The following ZFAND2B variants were observed in gnomAD, a reference collection of about 807,000 sequenced individuals.
ZFAND2B encodes the protein zinc finger AN1-type containing 2B.
In ZFAND2B, 27 loss-of-function variants were observed where a neutral mutation model predicts 38.2. The observed-to-expected ratio is 0.71, with a 90% CI of 0.52 to 0.97. The LOEUF is 0.97. Ranked by LOEUF, ZFAND2B falls within the 50% of genes least tolerant of loss-of-function variation. The probability of loss-of-function intolerance (pLI) is 0.00; values close to 1 mark genes in which losing one functional copy is unlikely to be tolerated. For synonymous variants in ZFAND2B, 111 were observed against 119.4 expected, an observed-to-expected ratio of 0.93 and a Z score of 0.46; for missense variants, 303 against 331.5, an observed-to-expected ratio of 0.91 and a Z score of 0.67.
Position 219,209,010 on chromosome 2 carries a change from AGCACTGTCAGCCAGTGAG to A in ZFAND2B, c.694_711del (p.Leu232_Ala237del). The A allele has an allele frequency of 6.2e-7, 1 of 1,614,224 alleles. No homozygotes were observed. The highest frequency in any genetic ancestry group is 8.5e-7 in the Non-Finnish European group (1 of 1,180,044). On this transcript the variant is annotated inframe_deletion, in exon 8 of 9. Coordinates refer to ENST00000289528, the MANE Select transcript of ZFAND2B (RefSeq NM_138802.3). ...AGGAAGAAGACCTAGCTTTAGCACA[AGCACTGTCAGCCAGTGAG>A]GCAGAATACCAGCGGCAGCAGGTAT...
chr2:219,206,967 C>T lies in ZFAND2B; in HGVS notation c.-21C>T. On this transcript the variant is annotated 5_prime_UTR_variant, in exon 1 of 9. Coordinates refer to ENST00000289528, the MANE Select transcript of ZFAND2B (RefSeq NM_138802.3). ...GCTCAGCACTCGTCGCTTCTCCTAG[C>T]AGACCCTGCCCGGCTTGGCGATGGA... 1 of 1,612,128 alleles carries T rather than the reference C, an allele frequency of 6.2e-7. No individual in the cohort carries two copies. The highest frequency in any genetic ancestry group is 8.5e-7 in the Non-Finnish European group (1 of 1,179,312).
chr2:219,207,360 G>A lies in ZFAND2B; in HGVS notation c.89G>A (p.Gly30Asp), dbSNP rs1950501829. ...FLPLKCDACS[G>D]IFCADHVAYA... is the part of the protein sequence containing the mutation. ...CCGCTTAAGTGTGATGCCTGCTCAG[G>A]CATCTTCTGCGCAGACCATGTGGCC... Residue 30 changes from glycine to aspartate, a missense_variant, in exon 2 of 9, where the codon GGC (glycine) becomes GAC (aspartate). Coordinates refer to ENST00000289528, the MANE Select transcript of ZFAND2B (RefSeq NM_138802.3). 6.2e-7 allele frequency: 1 copy of A among 1,613,730 alleles called. No homozygotes were observed. The highest frequency in any genetic ancestry group is 1.3e-5 in the African/African-American group (1 of 74,930).
chr2:219,208,685 C>G (rs751416647), intron 7 of ZFAND2B, 46 bp downstream of exon 7: 1 of 1,609,866 alleles, frequency 6.2e-7, no homozygotes, highest in Admixed American at 1.7e-5. Flanking sequence ...TGGGCAAGGG[C>G]TTGGTCTGGA....
chr2:219,206,941 C>A lies in ZFAND2B; in HGVS notation c.-47C>A. On this transcript the variant is annotated 5_prime_UTR_variant, in exon 1 of 9. Transcript: ENST00000289528. ...GGACTTCGAGCACGAGCCCTAAAGA[C>A]GCTCAGCACTCGTCGCTTCTCCTAG... 6.2e-7 allele frequency: 1 copy of A among 1,603,052 alleles called. No homozygotes were observed. Among genetic ancestry groups the A allele is most frequent in the Non-Finnish European group, 8.5e-7 (1 of 1,173,226 alleles).
rs967639703 is a variant in ZFAND2B at position 219,208,630 on chromosome 2, A to G, written c.647A>G (p.Gln216Arg). Residue 216 changes from glutamine to arginine, a missense_variant, in exon 7 of 9, where the codon CAG (glutamine) becomes CGG (arginine). By Grantham distance (43) the Gln-to-Arg change is conservative. Coordinates refer to ENST00000289528, the MANE Select transcript of ZFAND2B (RefSeq NM_138802.3). The part of the protein sequence containing the change: ...LEMSLAETKP[Q>R]VPSCQEEEDL... ...ATGTCCCTGGCAGAAACCAAACCCC[A>G]GGTTCCAAGGTACCTTACCCTCTTG... 6 of 1,613,848 alleles carry G rather than the reference A, an allele frequency of 3.7e-6. No homozygotes were observed. Among genetic ancestry groups the G allele is most frequent in the Non-Finnish European group, 4.2e-6 (5 of 1,179,912 alleles).
At position 219,209,395 on chromosome 2, in the gene ZFAND2B, C is replaced by G; in HGVS notation, c.*89C>G. 1.3e-6 allele frequency: 2 copies of G among 1,494,096 alleles called. No homozygotes were observed. Among genetic ancestry groups the G allele is most frequent in the Non-Finnish European group, 1.8e-6 (2 of 1,088,820 alleles). The allele number at this position is 1,494,096 out of a possible 1,614,324, so 92.6% of individuals were successfully genotyped here. A position where few individuals can be genotyped will look rare whatever the true frequency, so the allele number is the denominator to read the frequency against. On this transcript the variant is annotated 3_prime_UTR_variant, in exon 9 of 9. Transcript: ENST00000289528. Reference sequence around the variant, plus strand: ...CACAGGGAGAGGAGGCCCGGAGCACCCTGGAGGGCAGAGACAAGCGGGAGT... The same window carrying G: ...CACAGGGAGAGGAGGCCCGGAGCACGCTGGAGGGCAGAGACAAGCGGGAGT...
rs762605833 is a variant in ZFAND2B, at chr2:219,208,037, G to C, written c.433G>C (p.Gly145Arg). 15 of 1,613,806 alleles carry C rather than the reference G, an allele frequency of 9.3e-6. No homozygotes were observed. Among genetic ancestry groups the C allele is most frequent in the Non-Finnish European group, 1.3e-5 (15 of 1,180,038 alleles). ...SGEGHPTSRA[G>R]LAAISRAQAV... ...GGAGGGGCACCCAACCAGCCGGGCA[G>C]GGTAATGGCAGCCAAGTCCTCCACT... The change falls in exon 4 of 9, where the codon GGA (glycine) becomes CGA (arginine). Residue 145 changes from glycine to arginine, a missense_variant and splice_region_variant. By Grantham distance (125) the Gly-to-Arg change is moderately radical (BLOSUM62 -2). Transcript: ENST00000289528.
rs1355351548 is a variant in ZFAND2B at position 219,206,857 on chromosome 2, T to A, written c.-131T>A. ...GCGCGGGGGCTCCGGTAACCCGGGC[T>A]GGGCGGGGGAGAGGAAGGGGCGGGG... On this transcript the variant is annotated 5_prime_UTR_variant, in exon 1 of 9. Transcript: ENST00000289528. The A allele has an allele frequency of 8.1e-6, 8 of 988,812 alleles. No homozygotes were observed. Among genetic ancestry groups the A allele is most frequent in the Non-Finnish European group, 1.1e-5 (8 of 711,842 alleles). 61.3% of individuals were successfully genotyped at this position (988,812 alleles called of 1,614,324 possible).
At position 219,208,342 on chromosome 2, in the gene ZFAND2B, C is replaced by T; in HGVS notation, c.521C>T (p.Pro174Leu). The change falls in exon 5 of 9, where the codon CCC (proline) becomes CTC (leucine). Residue 174 changes from proline to leucine, a missense_variant. Pro to Leu is a moderately conservative substitution (Grantham distance 98). Coordinates refer to ENST00000289528, the MANE Select transcript of ZFAND2B (RefSeq NM_138802.3). ...CAAACCATGCCTTCCTGTACCTCTCCCAGCAGGTAGGCCTGCCCGTTTCCC... is the reference window on the plus strand; with the variant it reads ...CAAACCATGCCTTCCTGTACCTCTCTCAGCAGGTAGGCCTGCCCGTTTCCC... ...PSQTMPSCTS[P>L]SRATTRSPSW... The T allele has an allele frequency of 6.2e-7, 1 of 1,614,166 alleles. No individual in the cohort carries two copies. Among genetic ancestry groups the T allele is most frequent in the Non-Finnish European group, 8.5e-7 (1 of 1,180,018 alleles).
rs958836093 is a variant in ZFAND2B at position 219,208,304 on chromosome 2, C to T, written c.483C>T (p.Val161=). The change falls in exon 5 of 9, where the codon GTC becomes GTT. Residue 161 remains valine, a synonymous_variant. Transcript: ENST00000289528. ...AAGCTGTGGCTTCTACAAGCACTGT[C>T]CCCAGCCCAAGTCAAACCATGCCTT... is the stretch of plus-strand genomic sequence containing the variant. ...RAQAVASTST[V]PSPSQTMPSC... 3 of 1,614,048 alleles carry T rather than the reference C, an allele frequency of 1.9e-6. No homozygotes were observed. Among genetic ancestry groups the T allele is most frequent in the Non-Finnish European group, 2.5e-6 (3 of 1,180,032 alleles).
rs1574801953 is a variant in ZFAND2B at position 219,207,267 on chromosome 2, G to A, written c.56-60G>A. 4 of 1,558,470 alleles carry A rather than the reference G, an allele frequency of 2.6e-6. No individual in the cohort carries two copies. The East Asian group carries it at 6.7e-5, about 26-fold the overall frequency. ...GTTTTCCTTCCCGAGTGGAAGACTT[G>A]AGTGAGAGAGAAGGACATCGAGGTC... On this transcript the variant is annotated intron_variant, in intron 1 of 8. Coordinates refer to ENST00000289528, the MANE Select transcript of ZFAND2B (RefSeq NM_138802.3).
chr2:219,208,221 C>A, intron 4 of ZFAND2B, 35 bp from the exon 5 acceptor site: 1 of 1,612,314 alleles, frequency 6.2e-7, no homozygotes, highest in Non-Finnish European at 8.5e-7. Context: ...AAGGCTAGTT[C>A]TTGGAGACAT....
Position 219,208,139 on chromosome 2 carries a change from C to T in ZFAND2B, c.434+101C>T, listed in dbSNP as rs995980899. The T allele has an allele frequency of 4.4e-5, 70 of 1,593,440 alleles. 1 individual carries two copies. The highest frequency in any genetic ancestry group is 5.2e-5 in the Non-Finnish European group (60 of 1,164,054). On this transcript the variant is annotated intron_variant, in intron 4 of 8. Coordinates refer to ENST00000289528, the MANE Select transcript of ZFAND2B (RefSeq NM_138802.3). The stretch of plus-strand genomic sequence containing the variant: ...TTGGGGAGCTTCAACCCTACCCTGT[C>T]GGCTAGGGGAGTCTTTTAGCTTCCT...
rs1026959670 is a variant in ZFAND2B at position 219,206,793 on chromosome 2, G to A, written c.-195G>A. On this transcript the variant is annotated 5_prime_UTR_variant, in exon 1 of 9. Transcript: ENST00000289528. ...CCCTGCGGGATGACGTCAGCGCGCC[G>A]CGCGCGCCGAGGGAGGAGCGGGCGC... 3 of 488,468 alleles carry A rather than the reference G, an allele frequency of 6.1e-6. No homozygotes were observed. Among genetic ancestry groups the A allele is most frequent in the African/African-American group, 4.1e-5 (2 of 48,552 alleles). 30.3% of individuals were successfully genotyped at this position (488,468 alleles called of 1,614,324 possible). A position where few individuals can be genotyped will look rare whatever the true frequency, so the allele number is the denominator to read the frequency against.
At chr2:219,207,115 T>C in intron 1 of ZFAND2B, 73 bp downstream of exon 1, 1 of 938,858 alleles carries the variant, frequency 1.1e-6, no homozygotes. Flanking sequence ...GAGGGAAGGG[T>C]GGGCTCCCAG....
At position 219,207,975 on chromosome 2, in the gene ZFAND2B, T is replaced by G; in HGVS notation, c.371T>G (p.Ile124Ser). 6.2e-7 allele frequency: 1 copy of G among 1,614,136 alleles called. No individual in the cohort carries two copies. The highest frequency in any genetic ancestry group is 8.5e-7 in the Non-Finnish European group (1 of 1,180,030). ...TCERCSRNFC[I>S]KHRHPLDHDC... ...GAACGCTGTAGCCGAAACTTCTGCATCAAGCACCGGCATCCACTGGACCAT... is the reference window on the plus strand; with the variant it reads ...GAACGCTGTAGCCGAAACTTCTGCAGCAAGCACCGGCATCCACTGGACCAT... The change falls in exon 4 of 9, where the codon ATC becomes AGC. Residue 124 changes from isoleucine (I) to serine (S), a missense_variant. Ile to Ser is a moderately radical substitution (Grantham distance 142, BLOSUM62 -2). Transcript: ENST00000289528.
intron 3 of ZFAND2B, 41 bp downstream of exon 3, chr2:219,207,820 C>G: frequency 1.2e-6 from 2 of 1,613,480 alleles, no homozygotes; most frequent in Non-Finnish European, 1.7e-6. Flanking sequence ...GCTGGGACTA[C>G]GGATGCCTGG....
Position 219,208,009 on chromosome 2 carries a change from T to C in ZFAND2B, c.405T>C (p.Ser135=). ...KHRHPLDHDC[S]GEGHPTSRAG... is the part of the protein sequence containing the mutation. ...GGCATCCACTGGACCATGATTGCTC[T>C]GGGGAGGGGCACCCAACCAGCCGGG... Residue 135 remains serine, a synonymous_variant, in exon 4 of 9, where the codon TCT becomes TCC. Transcript: ENST00000289528. 6.2e-7 allele frequency: 1 copy of C among 1,614,112 alleles called. No homozygotes were observed. The highest frequency in any genetic ancestry group is 8.5e-7 in the Non-Finnish European group (1 of 1,180,036).
In ZFAND2B at chr2:219,206,975, G is replaced by T. The variant is rs747114556; in HGVS notation, c.-13G>T. ...CTCGTCGCTTCTCCTAGCAGACCCT[G>T]CCCGGCTTGGCGATGGAGTTTCCGG... On this transcript the variant is annotated 5_prime_UTR_variant, in exon 1 of 9. Coordinates refer to ENST00000289528, the MANE Select transcript of ZFAND2B (RefSeq NM_138802.3). 2.5e-6 allele frequency: 4 copies of T among 1,612,238 alleles called. No individual in the cohort carries two copies. In the African/African-American group the frequency reaches 4.0e-5, roughly 16 times the overall value.
Sources: gnomAD v4.1 joint callset for allele counts on GRCh38, gnomAD v4.1.1 for gene constraint, MANE v1.5 for transcripts, NCBI Gene and HGNC (gene_info 2026-07-23, HGNC 2026-07-21) for gene names.